The following CC2D2A variants were observed in gnomAD, a reference collection of about 807,000 sequenced individuals.
CC2D2A encodes coiled-coil and C2 domain-containing protein 2A.
CC2D2A carries 155 observed loss-of-function variants against 212.9 expected under a neutral mutation model. That is an observed-to-expected ratio of 0.73 (90% CI 0.64 to 0.83). The LOEUF (loss-of-function observed/expected upper bound fraction) is 0.83. Among genes scored for constraint, CC2D2A ranks in the 40% least tolerant of loss-of-function variants. The pLI is 0.00. For missense variants in CC2D2A, 1,856 were observed against 1,956.2 expected, an observed-to-expected ratio of 0.95 and a Z score of 0.97; for synonymous variants, 667 against 686.5, an observed-to-expected ratio of 0.97 and a Z score of 0.44.
At chr4:15,572,477 G>A (rs1720213757) in intron 28 of CC2D2A, among the ~76,000 whole-genome samples, 1 of 151,680 alleles carries the variant, frequency 6.6e-6, no homozygotes, top group Non-Finnish European at 1.5e-5. Flanking sequence ...ATGCTCTCAA[G>A]TGTACCCACA....
chr4:15,570,507 A>G lies in CC2D2A; in HGVS notation c.3594+11A>G. 3 of 1,546,784 alleles carry G rather than the reference A, an allele frequency of 1.9e-6. No homozygotes were observed. Among genetic ancestry groups the G allele is most frequent in the Non-Finnish European group, 1.8e-6 (2 of 1,125,392 alleles). On this transcript the variant is annotated intron_variant, in intron 28 of 36. Transcript: ENST00000424120. Reference sequence around the variant, plus strand: ...TATTTCCAAGCAAGGGTAAGTATCTAAAGTTAGAGGTCCATGAGAGCAGGG... The same window carrying G: ...TATTTCCAAGCAAGGGTAAGTATCTGAAGTTAGAGGTCCATGAGAGCAGGG...
chr4:15,516,076 C>A, intron 10 of CC2D2A, 72 bp downstream of exon 10: 2 of 1,398,578 alleles, frequency 1.4e-6, no homozygotes, highest in Non-Finnish European at 1.9e-6. Context: ...CCTAACAGGG[C>A]AGTCATTGCA....
chr4:15,580,872 A>T (rs1448965112), intron 30 of CC2D2A, among the ~76,000 whole-genome samples: 1 of 152,212 alleles, frequency 6.6e-6, no homozygotes, highest in African/African-American at 2.4e-5. Flanking sequence ...TGCTATATGC[A>T]TCACTGAGTT....
chr4:15,558,948 T>C (rs1355409139), intron 21 of CC2D2A, among the ~76,000 whole-genome samples: 1 of 152,190 alleles, frequency 6.6e-6, no homozygotes, highest in Non-Finnish European at 1.5e-5. Flanking sequence ...GTAACTACTA[T>C]ACAGAATTCT....
chr4:15,601,501 C>A lies in CC2D2A; in HGVS notation c.*76C>A. 1.2e-6 allele frequency: 1 copy of A among 844,842 alleles called. No individual in the cohort carries two copies. The highest frequency in any genetic ancestry group is 1.7e-6 in the Non-Finnish European group (1 of 574,674). 52.3% of individuals were successfully genotyped at this position (844,842 alleles called of 1,614,324 possible). A position where few individuals can be genotyped will look rare whatever the true frequency, so the allele number is the denominator to read the frequency against. On this transcript the variant is annotated 3_prime_UTR_variant, in exon 37 of 37. Transcript: ENST00000424120. ...AGAAAATTTTAAATTATATGCATCA[C>A]ATCAGAAGAACATATTATTGGCAAA...
intron 17 of CC2D2A, among the ~76,000 whole-genome samples, chr4:15,548,298 C>A (rs1038040312): frequency 6.6e-6 from 1 of 152,072 alleles, no homozygotes; most frequent in Non-Finnish European, 1.5e-5. Flanking sequence ...TCTCTAGGCA[C>A]CAGCTAGGAA....
At chr4:15,543,492 A>G (rs750126296) in intron 17 of CC2D2A, 19 of 152,124 alleles carry the variant, frequency 1.2e-4, no homozygotes, top group Non-Finnish European at 2.2e-4. Flanking sequence ...CAACTGGGGG[A>G]AAATAATTTC....
rs551198480 is a variant in CC2D2A at position 15,548,161 on chromosome 4, T to A, written c.2182-2663T>A. On this transcript the variant is annotated intron_variant, in intron 17 of 36. Coordinates refer to ENST00000424120, the MANE Select transcript of CC2D2A (RefSeq NM_001378615.1). ...GCTTTGTCAGATAGAATCCGTTTTT[T>A]TCTCATTAAAAAAATCTGATAAATA... Among the ~76,000 whole-genome samples, 149 of 152,102 alleles carry A rather than the reference T, an allele frequency of 9.8e-4. 1 individual carries two copies. Among genetic ancestry groups the A allele is most frequent in the African/African-American group, 3.3e-3 (138 of 41,508 alleles).
intron 11 of CC2D2A, among the ~76,000 whole-genome samples, chr4:15,525,793 A>G (rs1717477034): frequency 6.6e-6 from 1 of 152,192 alleles, no homozygotes; most frequent in Non-Finnish European, 1.5e-5. Context: ...CTCTAATAGT[A>G]TGGGAGTTGT....
At chr4:15,492,748 A>G (rs1715379523) in intron 4 of CC2D2A, 1 of 823,222 alleles carries the variant, frequency 1.2e-6, no homozygotes, top group Non-Finnish European at 2.0e-6. Flanking sequence ...CATGTGGGCC[A>G]TGAGGTCCAC....
At chr4:15,591,297 G>A (rs553375565) in intron 33 of CC2D2A, among the ~76,000 whole-genome samples, 7 of 146,318 alleles carry the variant, frequency 4.8e-5, no homozygotes, top group South Asian at 4.3e-4. Flanking sequence ...TCGGCTCAAC[G>A]CAACCTCCGT....
chr4:15,514,673 T>C (rs1716757702), intron 8 of CC2D2A, 34 bp from the exon 9 acceptor site: 2 of 1,446,912 alleles, frequency 1.4e-6, no homozygotes, highest in Admixed American at 2.3e-5. Flanking sequence ...AATCTTAGCA[T>C]GATTTTTTCT....
chr4:15,574,386 TAGGCTATACTTTTATGAACTTTTTCCTA>T, intron 29 of CC2D2A, 60 bp downstream of exon 29: 1 of 1,314,788 alleles, frequency 7.6e-7, no homozygotes, highest in Non-Finnish European at 1.0e-6. Flanking sequence ...AAATGCTTGC[TAGGCTATACTTTTATGAACTTTTTCCTA>T]CACAAACAGA....
At chr4:15,586,335 T>C in intron 31 of CC2D2A, 89 bp downstream of exon 31, 1 of 741,746 alleles carries the variant, frequency 1.3e-6, no homozygotes, top group South Asian at 3.4e-5. Context: ...AATTGCAACA[T>C]TCATTAGCCA....
intron 26 of CC2D2A, 77 bp downstream of exon 26, chr4:15,567,863 C>T: frequency 9.4e-7 from 1 of 1,064,046 alleles, no homozygotes; most frequent in Non-Finnish European, 1.3e-6. Context: ...TGAGAAACGG[C>T]TAAGGTGAAG....
At chr4:15,588,247 A>G (rs988542122) in intron 32 of CC2D2A, among the ~76,000 whole-genome samples, 17 of 152,054 alleles carry the variant, frequency 1.1e-4, no homozygotes, top group African/African-American at 4.1e-4. Context: ...AGATTCCCTT[A>G]ATGATGTGGT....
At position 15,599,720 on chromosome 4, in the gene CC2D2A, G is replaced by A. The variant is rs779048651; in HGVS notation, c.4674+14G>A. ...GGAGACTACAGGGTAAGTTACAAAT[G>A]GATCCTAAACTGACTGTGGATTTCC... is the stretch of plus-strand genomic sequence containing the variant. On this transcript the variant is annotated intron_variant, in intron 36 of 36. Transcript: ENST00000424120. The A allele has an allele frequency of 1.3e-5, 20 of 1,585,992 alleles. No homozygotes were observed. The highest frequency in any genetic ancestry group is 1.6e-5 in the Non-Finnish European group (19 of 1,159,556).
chr4:15,571,381 G>A (rs1208014070), intron 28 of CC2D2A, among the ~76,000 whole-genome samples: 1 of 152,144 alleles, frequency 6.6e-6, no homozygotes, highest in African/African-American at 2.4e-5. Flanking sequence ...TCTAATCTAG[G>A]ACAGTTAAAG....
intron 16 of CC2D2A, among the ~76,000 whole-genome samples, chr4:15,538,447 T>A (rs1342505696): frequency 6.6e-6 from 1 of 152,214 alleles, no homozygotes; most frequent in East Asian, 1.9e-4. Flanking sequence ...ACAGTGGCTG[T>A]CTGTGTGGCT....
Sources: allele counts gnomAD v4.1 joint callset (sites outside exome capture counted in the v4.1 genomes callset), GRCh38; gene constraint gnomAD v4.1.1; transcripts MANE v1.5; gene names NCBI Gene and HGNC (gene_info 2026-07-23, HGNC 2026-07-21).